The following DNAH11 variants were observed in gnomAD, a reference collection of about 807,000 sequenced individuals.
DNAH11 encodes dynein axonemal heavy chain 11.
Under a neutral mutation model 526.0 loss-of-function variants are expected in DNAH11, and 442 were observed. The observed-to-expected ratio is 0.84, with a 90% CI of 0.78 to 0.91. The LOEUF (loss-of-function observed/expected upper bound fraction) is 0.91, where lower values mean the gene tolerates loss of function less well. Ranked by LOEUF, DNAH11 falls within the 40% of genes least tolerant of loss-of-function variation. DNAH11 has a pLI of 0.00. For missense variants in DNAH11, 6,989 were observed against 5,448.7 expected (o/e 1.28, Z -8.90); for synonymous variants, 2,461 against 1,935.9 (o/e 1.27, Z -7.12).
At chr7:21,817,519 CAAAAAAA>C (rs10532841) in intron 64 of DNAH11, among the ~76,000 whole-genome samples, 25 of 86,438 alleles carry the variant, frequency 2.9e-4, no homozygotes, top group South Asian at 1.4e-3. Flanking sequence ...CCATCTCTAC[CAAAAAAA>C]AAAAAAAAAA....
Position 21,637,610 on chromosome 7 carries a change from G to T in DNAH11, c.4726-1G>T. 1 of 1,571,998 alleles carries T rather than the reference G, an allele frequency of 6.4e-7. No homozygotes were observed. The highest frequency in any genetic ancestry group is 2.3e-5 in the East Asian group (1 of 43,524). On this transcript the variant is annotated splice_acceptor_variant, in intron 26 of 81. Transcript: ENST00000409508. LOFTEE classifies it high-confidence loss of function. ...CGGCCCCGTATTGTACTTTCATGCA[G>T]GAGTTAATGTTCAAGACAGCCAAAG...
chr7:21,734,185 A>G (rs999534726), intron 45 of DNAH11, among the ~76,000 whole-genome samples: 10 of 152,168 alleles, frequency 6.6e-5, no homozygotes, highest in African/African-American at 1.7e-4. Context: ...CGAGTCAGTT[A>G]TGTTCTTTAA....
intron 76 of DNAH11, among the ~76,000 whole-genome samples, chr7:21,885,089 A>C (rs1376311980): frequency 1.1e-5 from 1 of 88,366 alleles, no homozygotes; most frequent in Admixed American, 1.1e-4. Flanking sequence ...ATTAAATCTA[A>C]CAAGATAGTA....
intron 49 of DNAH11, 94 bp from the exon 50 acceptor site, chr7:21,744,344 G>C (rs753652213): frequency 1.9e-5 from 25 of 1,331,962 alleles, no homozygotes; most frequent in Non-Finnish European, 1.2e-5. Context: ...TTAACCATTT[G>C]CTAAGTTCAC....
At chr7:21,824,779 A>G (rs533765863) in intron 65 of DNAH11, among the ~76,000 whole-genome samples, 1 of 152,348 alleles carries the variant, frequency 6.6e-6, no homozygotes, top group South Asian at 2.1e-4. Flanking sequence ...TATGGTGTAT[A>G]TAGTTTAAAA....
intron 76 of DNAH11, among the ~76,000 whole-genome samples, chr7:21,887,373 A>G (rs1784163831): frequency 6.6e-6 from 1 of 152,238 alleles, no homozygotes; most frequent in Non-Finnish European, 1.5e-5. Context: ...GAAATACAGT[A>G]AATCACTTTC....
chr7:21,613,622 G>A (rs1785633237), intron 20 of DNAH11, among the ~76,000 whole-genome samples: 1 of 152,166 alleles, frequency 6.6e-6, no homozygotes, highest in Non-Finnish European at 1.5e-5. Flanking sequence ...GTACAATATG[G>A]TGACTATAGT....
At chr7:21,659,730 T>C (rs1015338992) in intron 30 of DNAH11, among the ~76,000 whole-genome samples, 12 of 152,136 alleles carry the variant, frequency 7.9e-5, no homozygotes, top group Non-Finnish European at 1.2e-4. Context: ...GGTAGGATTG[T>C]ACCTTCTTCC....
At chr7:21,877,691 A>T (rs777944299) in intron 74 of DNAH11, among the ~76,000 whole-genome samples, 15 of 151,870 alleles carry the variant, frequency 9.9e-5, no homozygotes, top group Non-Finnish European at 1.9e-4. Context: ...CTGGCTAAAA[A>T]GGTGAAACCC....
chr7:21,634,550 A>G (rs116132120), intron 25 of DNAH11, among the ~76,000 whole-genome samples: 2,044 of 152,274 alleles, frequency 0.013, 49 homozygotes, highest in African/African-American at 0.046. Context: ...AGTGTCATAG[A>G]ATAGTGAGAA....
chr7:21,655,853 CTT>C lies in DNAH11; in HGVS notation c.4969_4970del (p.Phe1657ArgfsTer9), dbSNP rs868313799. The C allele has an allele frequency of 3.1e-6, 5 of 1,613,018 alleles. No individual in the cohort carries two copies. In the African/African-American group the frequency reaches 6.7e-5, roughly 22 times the overall value. ...TTAGGTAACATGTCACCTTGCCAAA[CTT>C]TTCGACAGCATTGCAGATCTGCAGT... The part of the protein sequence containing the change: ...PKQVTCHLAK[L>X]FDSIADLQFE... On this transcript the variant is annotated frameshift_variant, in exon 29 of 82. Coordinates refer to ENST00000409508, the MANE Select transcript of DNAH11 (RefSeq NM_001277115.2). LOFTEE classifies it high-confidence loss of function.
rs1786921102 is a variant in DNAH11 at position 21,637,479 on chromosome 7, C to T, written c.4726-132C>T. The T allele has an allele frequency of 7.5e-6, 5 of 670,072 alleles. No individual in the cohort carries two copies. The East Asian group carries it at 1.4e-4, about 19-fold the overall frequency. The allele number at this position is 670,072 out of a possible 1,614,324, so 41.5% of individuals were successfully genotyped here. ...AAGCAAAAGTAAACAGATGTGGTGTCAGACATTCTTAGAAGTATCTTTGAC... is the reference window on the plus strand; with the variant it reads ...AAGCAAAAGTAAACAGATGTGGTGTTAGACATTCTTAGAAGTATCTTTGAC... On this transcript the variant is annotated intron_variant, in intron 26 of 81. Coordinates refer to ENST00000409508, the MANE Select transcript of DNAH11 (RefSeq NM_001277115.2).
chr7:21,885,191 C>CAAA (rs1562603350), intron 76 of DNAH11, among the ~76,000 whole-genome samples: 4 of 122,652 alleles, frequency 3.3e-5, no homozygotes, highest in Admixed American at 2.7e-4. Context: ...AAAAAAAACA[C>CAAA]ACACATTTAT....
chr7:21,611,482 A>C (rs1039779828), intron 20 of DNAH11, among the ~76,000 whole-genome samples: 2 of 152,124 alleles, frequency 1.3e-5, no homozygotes, highest in East Asian at 3.9e-4. Flanking sequence ...TCATGTATCT[A>C]TTTATTTTTT....
At chr7:21,580,223 C>A (rs891167422) in intron 8 of DNAH11, among the ~76,000 whole-genome samples, 2 of 152,078 alleles carry the variant, frequency 1.3e-5, no homozygotes, top group Non-Finnish European at 2.9e-5. Flanking sequence ...TCTAAATGTT[C>A]AGTTAATGTT....
rs1227052195 is a variant in DNAH11, at chr7:21,745,027, T to C, written c.8474T>C (p.Met2825Thr). ...AACTACAATGAACTAAATGCTGCCA[T>C]GCACCTAGTTTTGTTTGAAGATGCC... Reference protein sequence around the residue: ...LDNYNELNAAMHLVLFEDAMQ... With the variant: ...LDNYNELNAATHLVLFEDAMQ... Residue 2825 changes from methionine to threonine, a missense_variant, in exon 51 of 82, where the codon ATG becomes ACG. Coordinates refer to ENST00000409508, the MANE Select transcript of DNAH11 (RefSeq NM_001277115.2). 2 of 1,609,628 alleles carry C rather than the reference T, an allele frequency of 1.2e-6. No individual in the cohort carries two copies. Among genetic ancestry groups the C allele is most frequent in the African/African-American group, 1.3e-5 (1 of 74,902 alleles).
At chr7:21,800,198 A>T (rs1037055622) in intron 61 of DNAH11, among the ~76,000 whole-genome samples, 2 of 151,994 alleles carry the variant, frequency 1.3e-5, no homozygotes, top group Non-Finnish European at 2.9e-5. Flanking sequence ...TTTCTCCACA[A>T]TGGTTTTCTC....
chr7:21,630,211 TC>T (rs1786539049), intron 25 of DNAH11, among the ~76,000 whole-genome samples: 3 of 152,102 alleles, frequency 2.0e-5, no homozygotes, highest in South Asian at 2.1e-4. Flanking sequence ...CTCCATTCCT[TC>T]CCCCCACCCC....
intron 25 of DNAH11, among the ~76,000 whole-genome samples, chr7:21,631,236 C>G (rs962034535): frequency 6.6e-6 from 1 of 152,130 alleles, no homozygotes; most frequent in Non-Finnish European, 1.5e-5. Flanking sequence ...CAGTTACCTC[C>G]CACTGGGTCC....
Sources: gnomAD v4.1 joint callset for allele counts (sites outside exome capture counted in the v4.1 genomes callset) on GRCh38, gnomAD v4.1.1 for gene constraint, MANE v1.5 for transcripts, NCBI Gene and HGNC (gene_info 2026-07-23, HGNC 2026-07-21) for gene names.